Variants in STARD13 observed in about 807,000 individuals in gnomAD.
The protein encoded by STARD13 is StAR related lipid transfer domain containing 13.
Under a neutral mutation model 106.4 loss-of-function variants are expected in STARD13, and 62 were observed. The ratio of observed to expected loss-of-function variants is 0.58; its 90% CI spans 0.48 to 0.72. The LOEUF is 0.72. Among genes scored for constraint, STARD13 ranks in the 30% least tolerant of loss-of-function variants. STARD13 has a pLI of 0.00. For synonymous variants in STARD13, 565 were observed against 553.0 expected (o/e 1.02, Z -0.31); for missense variants, 1,387 against 1,424.0 (o/e 0.97, Z 0.42).
intron 1 of STARD13, among the ~76,000 whole-genome samples, chr13:33,257,220 A>G (rs1273714454): frequency 6.6e-6 from 1 of 152,202 alleles, no homozygotes; most frequent in East Asian, 1.9e-4. Flanking sequence ...AAATTTGGTG[A>G]TAAGACCATG....
In STARD13 at chr13:33,219,816, A is replaced by AC. The variant is rs1158125719; in HGVS notation, c.170-52195_170-52194insG. The stretch of plus-strand genomic sequence containing the variant: ...AAATCCTGTCTCTAAAAACAAACAA[A>AC]AAAAAAAAAAGAAAGAAAGAAAGAA... On this transcript the variant is annotated intron_variant, in intron 1 of 13. Transcript: ENST00000336934. Among the ~76,000 whole-genome samples, 15 of 146,714 alleles carry AC rather than the reference A, an allele frequency of 1.0e-4. No individual in the cohort carries two copies. The South Asian group carries it at 1.1e-3, about 10-fold the overall frequency.
chr13:33,262,398 C>T (rs532912216), intron 1 of STARD13, among the ~76,000 whole-genome samples: 1 of 152,206 alleles, frequency 6.6e-6, no homozygotes, highest in South Asian at 2.1e-4. Context: ...GAGGTGGCAG[C>T]CCTGTGCTGC....
the STARD13 span, among the ~76,000 whole-genome samples, chr13:33,456,437 C>T: frequency 2.0e-4 from 30 of 152,046 alleles, 1 homozygote; most frequent in Non-Finnish European, 4.3e-4. Context: ...AGATCTGCCC[C>T]CCTCAGCCTC....
chr13:33,232,592 C>T (rs957886462), intron 1 of STARD13, among the ~76,000 whole-genome samples: 1 of 152,182 alleles, frequency 6.6e-6, no homozygotes, highest in Non-Finnish European at 1.5e-5. Flanking sequence ...CTCTTCTCCT[C>T]CAGAATCTTG....
the STARD13 span, among the ~76,000 whole-genome samples, chr13:33,510,520 C>A: frequency 3.9e-5 from 6 of 152,142 alleles, no homozygotes; most frequent in Admixed American, 2.6e-4. Context: ...ATCATGGAAA[C>A]CTGGCCAATA....
chr13:33,354,514 C>T (rs567782050), upstream of STARD13, among the ~76,000 whole-genome samples: 116 of 152,342 alleles, frequency 7.6e-4, no homozygotes, highest in East Asian at 5.8e-4. Flanking sequence ...TCTCAGCTGT[C>T]CCTGCAGTCC....
chr13:33,485,090 A>G, the STARD13 span, among the ~76,000 whole-genome samples: 2 of 152,222 alleles, frequency 1.3e-5, no homozygotes, highest in African/African-American at 4.8e-5. Context: ...AGTTATTTTG[A>G]CAGATTTGTA....
chr13:33,512,506 C>T, the STARD13 span, among the ~76,000 whole-genome samples: 2 of 151,916 alleles, frequency 1.3e-5, 1 homozygote, highest in South Asian at 4.2e-4. Flanking sequence ...TTGCTCTTGT[C>T]GCTTAGGCTG....
At chr13:33,593,071 C>T in the STARD13 span, among the ~76,000 whole-genome samples, 1 of 152,160 alleles carries the variant, frequency 6.6e-6, no homozygotes, top group South Asian at 2.1e-4. Flanking sequence ...TATGCCAGGG[C>T]TGAGGATCTG....
At chr13:33,202,509 G>A (rs949713769) in intron 1 of STARD13, among the ~76,000 whole-genome samples, 20 of 152,190 alleles carry the variant, frequency 1.3e-4, no homozygotes, top group African/African-American at 4.6e-4. Context: ...GAGCACCAGG[G>A]AGTCAAAGCA....
the STARD13 span, among the ~76,000 whole-genome samples, chr13:33,413,179 G>A: frequency 7.9e-5 from 12 of 152,030 alleles, no homozygotes; most frequent in Non-Finnish European, 1.6e-4. Context: ...ATGGCTCAAG[G>A]GGAAGGCTCA....
intron 1 of STARD13, among the ~76,000 whole-genome samples, chr13:33,205,097 C>G (rs150223094): frequency 7.6e-4 from 115 of 152,250 alleles, no homozygotes; most frequent in African/African-American, 2.6e-3. Context: ...ATAAAACATG[C>G]GACATATGAC....
At chr13:33,464,043 G>GTATATGTATATATATATATATA in the STARD13 span, among the ~76,000 whole-genome samples, 1 of 112,758 alleles carries the variant, frequency 8.9e-6, no homozygotes, top group Non-Finnish European at 1.9e-5. Context: ...ATATATATAT[G>GTATATGTATATATATATATATA]TATATGTATA....
At chr13:33,114,677 T>C (rs1875105705) in intron 8 of STARD13, among the ~76,000 whole-genome samples, 1 of 152,190 alleles carries the variant, frequency 6.6e-6, no homozygotes, top group Admixed American at 6.5e-5. Context: ...GTGTATACAT[T>C]GTTTAACTTT....
the STARD13 span, among the ~76,000 whole-genome samples, chr13:33,550,079 A>G: frequency 6.6e-6 from 1 of 152,204 alleles, no homozygotes; most frequent in Non-Finnish European, 1.5e-5. Flanking sequence ...CAATTAGGGT[A>G]AAATACATGA....
the STARD13 span, among the ~76,000 whole-genome samples, chr13:33,366,486 A>G: frequency 1.3e-5 from 2 of 152,196 alleles, no homozygotes; most frequent in Admixed American, 6.5e-5. This position sits in a 1 kb window ranked among gnomAD's most constrained non-coding sequence, Gnocchi z 4.2. Context: ...TTCTTTTATT[A>G]TTTCTAATAA....
At chr13:33,178,587 A>T (rs988383130) in intron 1 of STARD13, among the ~76,000 whole-genome samples, 3 of 152,230 alleles carry the variant, frequency 2.0e-5, no homozygotes, top group Non-Finnish European at 4.4e-5. Flanking sequence ...ATGATGCTAC[A>T]GGGATATCTT....
chr13:33,483,098 A>G, the STARD13 span, among the ~76,000 whole-genome samples: 1 of 152,236 alleles, frequency 6.6e-6, no homozygotes, highest in South Asian at 2.1e-4. Context: ...ACAAAATTCT[A>G]AAGTGAGTTA....
chr13:33,587,604 T>A, the STARD13 span, among the ~76,000 whole-genome samples: 1 of 152,196 alleles, frequency 6.6e-6, no homozygotes, highest in Non-Finnish European at 1.5e-5. Flanking sequence ...TCTCAAGCTT[T>A]AATGTGCATG....
Sources: gnomAD v4.1 joint callset for allele counts (sites outside exome capture counted in the v4.1 genomes callset) on GRCh38, gnomAD v4.1.1 for gene constraint, Gnocchi (gnomAD v3.1) non-coding constraint, MANE v1.5 for transcripts, NCBI Gene and HGNC (gene_info 2026-07-23, HGNC 2026-07-21) for gene names.